The following NWD2 variants were observed in gnomAD, a reference collection of about 807,000 sequenced individuals.
NWD2 encodes the protein NACHT and WD repeat domain-containing protein 2.
In NWD2, 37 loss-of-function variants were observed where a neutral mutation model predicts 132.7. The ratio of observed to expected loss-of-function variants is 0.28; its 90% CI spans 0.21 to 0.37. The LOEUF (loss-of-function observed/expected upper bound fraction) is 0.37. Ranked by LOEUF, NWD2 falls within the 10% of genes least tolerant of loss-of-function variation. The pLI is 1.00. For missense variants in NWD2, 1,592 were observed against 2,122.4 expected (o/e 0.75, Z 4.91); for synonymous variants, 705 against 803.0 (o/e 0.88, Z 2.06).
At chr4:37,259,025 T>C (rs1298605670) in intron 1 of NWD2, among the ~76,000 whole-genome samples, 1 of 152,118 alleles carries the variant, frequency 6.6e-6, no homozygotes. Context: ...GTGTGTAAAT[T>C]TTCTCTCTGC....
intron 3 of NWD2, among the ~76,000 whole-genome samples, chr4:37,374,487 G>A (rs1190473539): frequency 2.0e-5 from 3 of 152,210 alleles, no homozygotes; most frequent in Non-Finnish European, 2.9e-5. Context: ...TCAGGTCAGT[G>A]ATGCAGATAA....
At chr4:37,394,448 A>T (rs916698313) in intron 3 of NWD2, among the ~76,000 whole-genome samples, 3 of 152,254 alleles carry the variant, frequency 2.0e-5, no homozygotes, top group Non-Finnish European at 4.4e-5. Context: ...TATCTAGCAC[A>T]GTAAATGACA....
At chr4:37,289,838 T>A (rs1577656915) in intron 1 of NWD2, among the ~76,000 whole-genome samples, 1 of 152,186 alleles carries the variant, frequency 6.6e-6, no homozygotes, top group Admixed American at 6.5e-5. Flanking sequence ...ACTACTCTTA[T>A]GATTTTCTTC....
At chr4:37,390,282 A>G (rs1720656279) in intron 3 of NWD2, among the ~76,000 whole-genome samples, 1 of 152,144 alleles carries the variant, frequency 6.6e-6, no homozygotes. Flanking sequence ...ATACATATGA[A>G]TAAAATGCAG....
intron 1 of NWD2, among the ~76,000 whole-genome samples, chr4:37,248,723 T>C (rs764367255): frequency 6.6e-6 from 1 of 152,192 alleles, no homozygotes; most frequent in Non-Finnish European, 1.5e-5. Context: ...TATTAGAGTG[T>C]AAAGGCCCTC....
At chr4:37,294,432 C>T (rs1718436712) in intron 1 of NWD2, among the ~76,000 whole-genome samples, 2 of 152,156 alleles carry the variant, frequency 1.3e-5, no homozygotes, top group South Asian at 4.1e-4. Context: ...TGTAGGACTA[C>T]ATGCTGACTT....
intron 1 of NWD2, among the ~76,000 whole-genome samples, chr4:37,303,468 G>A (rs1656230): frequency 6.6e-6 from 1 of 152,036 alleles, no homozygotes; most frequent in Admixed American, 6.5e-5. Context: ...AAATTTTAGG[G>A]TTATTTCTTT....
intron 1 of NWD2, among the ~76,000 whole-genome samples, chr4:37,310,633 T>C (rs2109280619): frequency 6.6e-6 from 1 of 152,288 alleles, no homozygotes; most frequent in Admixed American, 6.5e-5. Flanking sequence ...TAGGGATTTT[T>C]TTTTTAATTA....
Position 37,447,165 on chromosome 4 carries a change from G to A in NWD2, c.5177G>A (p.Arg1726Gln), listed in dbSNP as rs367767511. The change falls in exon 7 of 7, where the codon CGG becomes CAG. Residue 1726 changes from arginine (R) to glutamine (Q), a missense_variant. By Grantham distance (43) the Arg-to-Gln change is conservative (BLOSUM62 1). This residue lies in a region of NWD2 where 257 missense variants were observed against 335.0 expected (regional missense o/e 0.77). Transcript: ENST00000309447. ...AAGAAACACAACTCTTGTTATGAGC[G>A]GGTATGCTCGGCCCTAGAAGCCAGG... Reference protein sequence around the residue: ...PSKKHNSCYERVCSALEARGH... With the variant: ...PSKKHNSCYEQVCSALEARGH... 52 of 1,551,316 alleles carry A rather than the reference G, an allele frequency of 3.4e-5. No individual in the cohort carries two copies. Among genetic ancestry groups the A allele is most frequent in the African/African-American group, 1.9e-4 (14 of 73,174 alleles).
At position 37,253,553 on chromosome 4, in the gene NWD2, G is replaced by A. The variant is rs1717441110; in HGVS notation, c.151+8335G>A. Among the ~76,000 whole-genome samples the A allele has an allele frequency of 3.9e-5, 6 of 152,160 alleles. No individual in the cohort carries two copies. In the South Asian group the frequency reaches 1.2e-3, roughly 32 times the overall value. ...CTGGGAAGGTTAAATGAGGTAAAGG[G>A]AGTCCAGGAGGTCCTCGTTACATCA... On this transcript the variant is annotated intron_variant, in intron 1 of 6. Transcript: ENST00000309447.
At chr4:37,335,207 C>A (rs149152706) in intron 2 of NWD2, among the ~76,000 whole-genome samples, 296 of 143,944 alleles carry the variant, frequency 2.1e-3, no homozygotes, top group Admixed American at 7.6e-3. Flanking sequence ...GCAGCCTGTT[C>A]TAGCCTTTGC....
At chr4:37,344,152 G>A (rs138728879) in intron 2 of NWD2, among the ~76,000 whole-genome samples, 1 of 152,224 alleles carries the variant, frequency 6.6e-6, no homozygotes, top group African/African-American at 2.4e-5. Context: ...TAGGCTAAAA[G>A]CTAAACTTAA....
intron 1 of NWD2, among the ~76,000 whole-genome samples, chr4:37,283,571 C>A (rs1331969002): frequency 6.6e-6 from 1 of 152,118 alleles, no homozygotes; most frequent in Non-Finnish European, 1.5e-5. Flanking sequence ...AAGCCTTGTA[C>A]CGTTAGTATC....
At chr4:37,410,706 C>T (rs1465118086) in intron 3 of NWD2, among the ~76,000 whole-genome samples, 1 of 152,174 alleles carries the variant, frequency 6.6e-6, no homozygotes, top group African/African-American at 2.4e-5. Context: ...CTTCTCAGCA[C>T]GTATCACACT....
At chr4:37,315,773 C>G (rs757329838) in intron 1 of NWD2, among the ~76,000 whole-genome samples, 1 of 151,986 alleles carries the variant, frequency 6.6e-6, no homozygotes, top group Non-Finnish European at 1.5e-5. Context: ...TCCCACTTGA[C>G]TCTCTTCTTT....
chr4:37,407,554 C>A (rs13131186), intron 3 of NWD2, among the ~76,000 whole-genome samples: 1 of 152,130 alleles, frequency 6.6e-6, no homozygotes, highest in African/African-American at 2.4e-5. Context: ...TCCAACCAAT[C>A]AGTGACGTGA....
rs1712612475 is a variant in NWD2 at position 37,445,616 on chromosome 4, C to T, written c.3628C>T (p.Leu1210Phe). 35 of 1,552,272 alleles carry T rather than the reference C, an allele frequency of 2.3e-5. No individual in the cohort carries two copies. Among genetic ancestry groups the T allele is most frequent in the Non-Finnish European group, 3.1e-5 (35 of 1,147,150 alleles). Residue 1210 changes from leucine to phenylalanine, a missense_variant, in exon 7 of 7, where the codon CTC becomes TTC. By Grantham distance (22) the Leu-to-Phe change is conservative. Around this residue, in one of 7 missense-constraint regions of NWD2, gnomAD observed 1,071 missense variants for 1,398.0 expected, o/e 0.77. Transcript: ENST00000309447. This position sits in a 1 kb window ranked among gnomAD's most constrained non-coding sequence, Gnocchi z 4.7. The part of the protein sequence containing the change: ...DQSAVLICKA[L>F]SIELLDTGLW... ...AAGTGCAGTTCTGATCTGTAAAGCC[C>T]TCAGCATTGAGCTCTTAGATACTGG...
At chr4:37,326,519 A>G (rs1317683990) in intron 2 of NWD2, among the ~76,000 whole-genome samples, 1 of 152,146 alleles carries the variant, frequency 6.6e-6, no homozygotes, top group Non-Finnish European at 1.5e-5. Flanking sequence ...CCCCCAAAAC[A>G]TTATATCAGC....
chr4:37,408,572 T>G (rs183510520), intron 3 of NWD2, among the ~76,000 whole-genome samples: 164 of 152,246 alleles, frequency 1.1e-3, no homozygotes, highest in African/African-American at 3.7e-3. Flanking sequence ...GGACAGAGCA[T>G]GAGGGGAAAG....
Sources: gnomAD v4.1 joint callset for allele counts (sites outside exome capture counted in the v4.1 genomes callset) on GRCh38, gnomAD v4.1.1 for gene constraint, gnomAD v4.1.1 regional missense constraint, Gnocchi (gnomAD v3.1) non-coding constraint, MANE v1.5 for transcripts, NCBI Gene and HGNC (gene_info 2026-07-23, HGNC 2026-07-21) for gene names.